The following RPTOR variants were observed in gnomAD, a reference collection of about 807,000 sequenced individuals.
The protein encoded by RPTOR is regulatory associated protein of MTOR complex 1, also known as regulatory-associated protein of mTOR.
A neutral mutation model predicts 169.9 loss-of-function variants in RPTOR; 21 were observed. That is an observed-to-expected ratio of 0.12 (90% CI 0.09 to 0.18). The LOEUF is 0.18. Ranked by LOEUF, RPTOR falls within the 10% of genes least tolerant of loss-of-function variation. The probability of loss-of-function intolerance (pLI) is 1.00; values close to 1 mark genes in which losing one functional copy is unlikely to be tolerated. For synonymous variants in RPTOR, 732 were observed against 753.2 expected, an observed-to-expected ratio of 0.97 and a Z score of 0.46; for missense variants, 1,133 against 1,855.9, an observed-to-expected ratio of 0.61 and a Z score of 7.16.
intron 1 of RPTOR, among the ~76,000 whole-genome samples, chr17:80,574,163 T>A (rs1319139747): frequency 6.9e-6 from 1 of 145,518 alleles, no homozygotes; most frequent in Admixed American, 6.7e-5. Flanking sequence ...TTTTTCTTTT[T>A]TTTTTTTTTT....
rs1202898309 is a variant in RPTOR, at chr17:80,726,442, A to G, written c.508-4118A>G. Among the ~76,000 whole-genome samples the G allele has an allele frequency of 6.6e-6, 1 of 151,636 alleles. No individual in the cohort carries two copies. Among genetic ancestry groups the G allele is most frequent in the Non-Finnish European group, 1.5e-5 (1 of 67,932 alleles). ...AGTGCAGCAGTACCTCATGGTTATG[A>G]CGGATCATCTTCCTGAACTTTGCAT... On this transcript the variant is annotated intron_variant, in intron 4 of 33. Coordinates refer to ENST00000306801, the MANE Select transcript of RPTOR (RefSeq NM_020761.3). This position sits in a 1 kb window ranked among gnomAD's most constrained non-coding sequence, Gnocchi z 4.5.
In RPTOR at chr17:80,726,507, A is replaced by G. The variant is rs1472905537; in HGVS notation, c.508-4053A>G. ...TGGAGATTTTGATTTTGATTTTGGC[A>G]AATGTGGAAAATAGATTTCAGCTCA... On this transcript the variant is annotated intron_variant, in intron 4 of 33. Transcript: ENST00000306801. The surrounding 1 kb of genome is among the most constrained non-coding windows in gnomAD (Gnocchi z 4.5). Among the ~76,000 whole-genome samples, 1 of 152,162 alleles carries G rather than the reference A, an allele frequency of 6.6e-6. No homozygotes were observed. Among genetic ancestry groups the G allele is most frequent in the Non-Finnish European group, 1.5e-5 (1 of 68,042 alleles).
chr17:80,880,879 G>T (rs2068179567), intron 14 of RPTOR, among the ~76,000 whole-genome samples: 1 of 152,164 alleles, frequency 6.6e-6, no homozygotes, highest in African/African-American at 2.4e-5. Flanking sequence ...AGGTCTTGGA[G>T]CACAAGAAGA....
At chr17:80,567,810 A>ATAAC (rs2064861603) in intron 1 of RPTOR, among the ~76,000 whole-genome samples, 1 of 149,066 alleles carries the variant, frequency 6.7e-6, no homozygotes, top group Non-Finnish European at 1.5e-5. Context: ...AATAAAATAA[A>ATAAC]TAAATAAATA....
rs9899844 is a variant in RPTOR, at chr17:80,823,976, G to T, written c.1136+753G>T. ...AAGAGCGATTAACGTATGCCTAGCCGCAGAAGCCATCATGTGGCGTATTTT... is the reference window on the plus strand; with the variant it reads ...AAGAGCGATTAACGTATGCCTAGCCTCAGAAGCCATCATGTGGCGTATTTT... On this transcript the variant is annotated intron_variant, in intron 9 of 33. Transcript: ENST00000306801. This position sits in a 1 kb window ranked among gnomAD's most constrained non-coding sequence, Gnocchi z 4.5. 0.013 allele frequency among the ~76,000 whole-genome samples: 2,032 copies of T among 152,272 alleles called. 48 individuals carry two copies. The highest frequency in any genetic ancestry group is 0.046 in the African/African-American group (1,905 of 41,526).
intron 11 of RPTOR, among the ~76,000 whole-genome samples, chr17:80,854,611 T>C (rs1309003498): frequency 6.6e-6 from 1 of 152,250 alleles, no homozygotes. Context: ...AGCAGCATTT[T>C]GGCCAGGCAT....
At position 80,845,238 on chromosome 17, in the gene RPTOR, A is replaced by T. The variant is rs2067715184; in HGVS notation, c.1213-1235A>T. ...TGCCTGCACTCACGTGGCTGGGCTA[A>T]CTGGGAGCTCGGGCCCACCCGGTGT... is the stretch of plus-strand genomic sequence containing the variant. On this transcript the variant is annotated intron_variant, in intron 10 of 33. Coordinates refer to ENST00000306801, the MANE Select transcript of RPTOR (RefSeq NM_020761.3). This position sits in a 1 kb window ranked among gnomAD's most constrained non-coding sequence, Gnocchi z 5.4. 6.6e-6 allele frequency among the ~76,000 whole-genome samples: 1 copy of T among 151,994 alleles called. No homozygotes were observed. Among genetic ancestry groups the T allele is most frequent in the Non-Finnish European group, 1.5e-5 (1 of 67,994 alleles).
chr17:80,577,871 G>T (rs2064978854), intron 1 of RPTOR, among the ~76,000 whole-genome samples: 1 of 152,246 alleles, frequency 6.6e-6, no homozygotes, highest in Non-Finnish European at 1.5e-5. Context: ...TAATGAAGCA[G>T]TGTCAGTTTG....
At chr17:80,920,722 C>A (rs2143970527) in intron 21 of RPTOR, among the ~76,000 whole-genome samples, 1 of 152,388 alleles carries the variant, frequency 6.6e-6, no homozygotes, top group South Asian at 2.1e-4. Flanking sequence ...CCGTGAGCGT[C>A]TGAGCATGTG....
intron 21 of RPTOR, among the ~76,000 whole-genome samples, chr17:80,910,275 C>T (rs1003820491): frequency 6.6e-6 from 1 of 152,136 alleles, no homozygotes; most frequent in Non-Finnish European, 1.5e-5. Context: ...TGTTTATTTC[C>T]GTTCTCTCAG....
At chr17:80,779,565 G>A (rs761255170) in intron 6 of RPTOR, among the ~76,000 whole-genome samples, 1 of 152,260 alleles carries the variant, frequency 6.6e-6, no homozygotes, top group East Asian at 1.9e-4. Flanking sequence ...GTGCAATTCC[G>A]TGACCGCAGG....
intron 1 of RPTOR, among the ~76,000 whole-genome samples, chr17:80,579,084 G>A (rs752536114): frequency 3.3e-5 from 5 of 152,162 alleles, no homozygotes; most frequent in Non-Finnish European, 5.9e-5. Context: ...ACAGGTACTC[G>A]GGGTTATTAT....
chr17:80,634,733 A>ACTGTGTGCGTGTGCGTC (rs2065488593), intron 2 of RPTOR, among the ~76,000 whole-genome samples: 1 of 86,244 alleles, frequency 1.2e-5, no homozygotes, highest in Non-Finnish European at 2.3e-5. Context: ...GTGTGTGCGT[A>ACTGTGTGCGTGTGCGTC]CTGTGTGTGT....
intron 21 of RPTOR, among the ~76,000 whole-genome samples, chr17:80,915,313 ACG>A (rs2068660407): frequency 9.2e-6 from 1 of 108,670 alleles, no homozygotes; most frequent in Non-Finnish European, 2.0e-5. Flanking sequence ...AGCTGAGCAG[ACG>A]TCAGGAAAAC....
chr17:80,771,501 C>T (rs1456566606), intron 6 of RPTOR, among the ~76,000 whole-genome samples: 1 of 152,202 alleles, frequency 6.6e-6, no homozygotes, highest in Non-Finnish European at 1.5e-5. Context: ...GGGTACCTCC[C>T]AAGCCTTTCT....
At chr17:80,744,315 A>G (rs866756929) in intron 5 of RPTOR, among the ~76,000 whole-genome samples, 3 of 114,240 alleles carry the variant, frequency 2.6e-5, no homozygotes, top group African/African-American at 7.5e-5. Context: ...AGCCCTGGTT[A>G]CTAGCACAGC....
chr17:80,792,540 T>C (rs1417824996), intron 7 of RPTOR, among the ~76,000 whole-genome samples: 1 of 152,186 alleles, frequency 6.6e-6, no homozygotes, highest in African/African-American at 2.4e-5. Flanking sequence ...CCAGATGTGC[T>C]AAGTGAGCAG....
rs148598864 is a variant in RPTOR at position 80,869,267 on chromosome 17, C to T, written c.1510-11148C>T. On this transcript the variant is annotated intron_variant, in intron 13 of 33. Coordinates refer to ENST00000306801, the MANE Select transcript of RPTOR (RefSeq NM_020761.3). ...CTCCGCCTCCCGGGTTCAAGCGATT[C>T]TCCTGCCTCCGCCTCCCGAGTAGCT... 9.5e-3 allele frequency among the ~76,000 whole-genome samples: 1,443 copies of T among 152,256 alleles called. 23 individuals are homozygous for T. The highest frequency in any genetic ancestry group is 0.033 in the African/African-American group (1,374 of 41,532).
At chr17:80,923,960 G>T in intron 23 of RPTOR, 1 of 437,318 alleles carries the variant, frequency 2.3e-6, no homozygotes, top group Non-Finnish European at 4.0e-6. Context: ...TCCGCCCCTG[G>T]TTCTGGTTTC....
Sources: gnomAD v4.1 joint callset for allele counts (sites outside exome capture counted in the v4.1 genomes callset) on GRCh38, gnomAD v4.1.1 for gene constraint, Gnocchi (gnomAD v3.1) non-coding constraint, MANE v1.5 for transcripts, NCBI Gene and HGNC (gene_info 2026-07-23, HGNC 2026-07-21) for gene names.